AIFM3: variants seen among roughly 807,000 people sequenced by gnomAD.
AIFM3 encodes AIF family member 3.
In AIFM3, 71 loss-of-function variants were observed where a neutral mutation model predicts 82.7. That is an observed-to-expected ratio of 0.86 (90% confidence interval 0.71 to 1.05). AIFM3 has a LOEUF of 1.05. Among genes scored for constraint, AIFM3 ranks in the 50% least tolerant of loss-of-function variants. The pLI is 0.00. For missense variants in AIFM3, 748 were observed against 816.7 expected (o/e 0.92, Z 1.03); for synonymous variants, 337 against 329.1 (o/e 1.02, Z -0.26).
intron 2 of AIFM3, among the ~76,000 whole-genome samples, chr22:20,971,990 C>G (rs1444403080): frequency 6.6e-6 from 1 of 151,752 alleles, no homozygotes; most frequent in Non-Finnish European, 1.5e-5. Context: ...TGTGCCCCCT[C>G]TGTGCCATCC....
intron 14 of AIFM3, 139 bp from the exon 15 acceptor site, chr22:20,977,561 G>T: frequency 1.0e-6 from 1 of 991,940 alleles, no homozygotes; most frequent in Non-Finnish European, 1.5e-6. Flanking sequence ...GTGGGGACCA[G>T]GGTGCATGAA....
intron 2 of AIFM3, among the ~76,000 whole-genome samples, chr22:20,969,473 A>G (rs1183228846): frequency 1.3e-5 from 2 of 151,728 alleles, no homozygotes; most frequent in Non-Finnish European, 2.9e-5. Flanking sequence ...TCCTTCTCCC[A>G]TGCTGGAGTG....
rs751903383 is a variant in AIFM3, at chr22:20,976,460, C to T, written c.952C>T (p.Arg318Trp). The T allele has an allele frequency of 1.1e-4, 182 of 1,613,964 alleles. No individual in the cohort carries two copies. The highest frequency in any genetic ancestry group is 1.3e-4 in the Non-Finnish European group (159 of 1,180,028). The change falls in exon 11 of 21, where the codon CGG becomes TGG. Residue 318 changes from arginine (R) to tryptophan (W), a missense_variant. Around this residue, in one of 5 missense-constraint regions of AIFM3, gnomAD observed 393 missense variants for 481.1 expected, o/e 0.82. Coordinates refer to ENST00000440238, the MANE Select transcript of AIFM3 (RefSeq NM_001386814.1). The part of the protein sequence containing the change: ...GKEVENVFTI[R>W]TPEDANRVVR... ...AGAAGTGGAGAACGTGTTCACTATC[C>T]GGACGCCAGAGGATGCCAATCGCGT... is the stretch of plus-strand genomic sequence containing the variant.
intron 20 of AIFM3, 65 bp downstream of exon 20, chr22:20,980,832 A>G (rs371184659): frequency 1.2e-6 from 2 of 1,606,122 alleles, no homozygotes; most frequent in African/African-American, 1.4e-5. Flanking sequence ...CCTCCACCCA[A>G]TGGTCTTATC....
intron 10 of AIFM3, 36 bp from the exon 11 acceptor site, chr22:20,976,372 T>C: frequency 6.2e-7 from 1 of 1,613,686 alleles, no homozygotes; most frequent in South Asian, 1.1e-5. Context: ...GGGCTGGGGC[T>C]GCCAGGAGGC....
intron 9 of AIFM3, 64 bp from the exon 10 acceptor site, chr22:20,976,150 CG>C: frequency 6.5e-7 from 1 of 1,547,016 alleles, no homozygotes; most frequent in Non-Finnish European, 8.8e-7. Flanking sequence ...ACTGCAGGAC[CG>C]GGGAGTGGGC....
Position 20,967,957 on chromosome 22 carries a change from T to G in AIFM3, c.13T>G (p.Phe5Val). MGGC[F>V]SKPKPVELKI... ...CAGGCCACTCGCCATGGGCGGCTGC[T>G]TCTCCAAACCCAAACCAGGTACCTC... Residue 5 changes from phenylalanine (F) to valine (V), a missense_variant, in exon 2 of 21, where the codon TTC becomes GTC. Around this residue, in one of 5 missense-constraint regions of AIFM3, gnomAD observed 17 missense variants for 19.0 expected, o/e 0.89. Transcript: ENST00000440238. 6.2e-7 allele frequency: 1 copy of G among 1,614,106 alleles called. No individual in the cohort carries two copies.
At chr22:20,973,592 G>A in intron 3 of AIFM3, 72 bp downstream of exon 3, 1 of 1,497,568 alleles carries the variant, frequency 6.7e-7, no homozygotes, top group African/African-American at 1.4e-5. Context: ...CCATAGCCGG[G>A]GGTCGGGGTT....
intron 18 of AIFM3, 29 bp from the exon 19 acceptor site, chr22:20,979,991 C>G (rs746390850): frequency 6.2e-7 from 1 of 1,600,664 alleles, no homozygotes; most frequent in Non-Finnish European, 8.5e-7. Context: ...GCCTCGCAGT[C>G]CTCAGGCTTG....
intron 9 of AIFM3, 134 bp from the exon 10 acceptor site, chr22:20,976,081 A>G: frequency 1.0e-6 from 1 of 976,370 alleles, no homozygotes; most frequent in Admixed American, 2.2e-5. Flanking sequence ...AATGAAGCCC[A>G]GGTGGCAGGA....
At chr22:20,980,287 C>A in intron 19 of AIFM3, 163 bp downstream of exon 19, 1 of 652,506 alleles carries the variant, frequency 1.5e-6, no homozygotes. Flanking sequence ...GGGCAAGGAT[C>A]ATGGTTTGAG....
intron 17 of AIFM3, 109 bp from the exon 18 acceptor site, chr22:20,979,518 C>T (rs1663362277): frequency 3.4e-6 from 5 of 1,490,320 alleles, no homozygotes; most frequent in Non-Finnish European, 4.7e-6. Flanking sequence ...CTACGAACTA[C>T]CTAAAAGGAC....
At chr22:20,973,269 G>T in intron 2 of AIFM3, 38 bp from the exon 3 acceptor site, 1 of 1,549,244 alleles carries the variant, frequency 6.5e-7, no homozygotes, top group South Asian at 1.2e-5. Context: ...GAGGAAGTTG[G>T]CTGAGGTGGG....
Position 20,974,774 on chromosome 22 carries a change from G to A in AIFM3, c.678G>A (p.Thr226=), listed in dbSNP as rs373816290. The A allele has an allele frequency of 7.0e-5, 113 of 1,613,242 alleles. No individual in the cohort carries two copies. The highest frequency in any genetic ancestry group is 8.8e-5 in the Non-Finnish European group (104 of 1,179,926). The stretch of plus-strand genomic sequence containing the variant: ...TCTCCGACCGGATCGTCCTGTGCAC[G>A]CTAGACCGGCACCTTCCCTACGACC... ...EGFSDRIVLC[T]LDRHLPYDRP... Residue 226 remains threonine (T), a synonymous_variant, in exon 8 of 21, where the codon ACG becomes ACA. Coordinates refer to ENST00000440238, the MANE Select transcript of AIFM3 (RefSeq NM_001386814.1).
chr22:20,973,677 C>T, intron 3 of AIFM3, 81 bp from the exon 4 acceptor site: 1 of 1,437,006 alleles, frequency 7.0e-7, no homozygotes, highest in East Asian at 2.5e-5. Context: ...GCCTGCTCCC[C>T]AGAAGGCTGG....
intron 18 of AIFM3, 124 bp from the exon 19 acceptor site, chr22:20,979,896 A>G: frequency 8.9e-7 from 1 of 1,127,246 alleles, no homozygotes; most frequent in Non-Finnish European, 1.3e-6. Context: ...CTGGGTGCTC[A>G]GGCCATTCTT....
intron 2 of AIFM3, 140 bp downstream of exon 2, chr22:20,968,115 C>T (rs1490298189): frequency 6.8e-6 from 6 of 882,958 alleles, no homozygotes; most frequent in Non-Finnish European, 5.2e-6. Context: ...AATGTTAATA[C>T]GCTGCCGCCA....
intron 2 of AIFM3, among the ~76,000 whole-genome samples, chr22:20,973,100 G>T (rs1283129336): frequency 1.3e-5 from 2 of 152,056 alleles, no homozygotes; most frequent in Non-Finnish European, 2.9e-5. Flanking sequence ...AGACCCGGGA[G>T]CACCCCCACC....
In AIFM3 at chr22:20,976,884, G is replaced by A. The variant is rs373121171; in HGVS notation, c.1164G>A (p.Arg388=). The part of the protein sequence containing the change: ...RALMKMFENN[R]VKFYMQTEVS... Reference sequence around the variant, plus strand: ...CCTGACAGATGTTTGAGAACAACCGGGTGAAGTTCTACATGCAGACGGAGG... The same window carrying A: ...CCTGACAGATGTTTGAGAACAACCGAGTGAAGTTCTACATGCAGACGGAGG... The change falls in exon 13 of 21, where the codon CGG becomes CGA. Residue 388 remains arginine, a synonymous_variant. Coordinates refer to ENST00000440238, the MANE Select transcript of AIFM3 (RefSeq NM_001386814.1). The A allele has an allele frequency of 1.5e-4, 242 of 1,604,820 alleles. No homozygotes were observed. Among genetic ancestry groups the A allele is most frequent in the Non-Finnish European group, 2.0e-4 (230 of 1,174,048 alleles).
Sources: gnomAD v4.1 joint callset for allele counts (sites outside exome capture counted in the v4.1 genomes callset) on GRCh38, gnomAD v4.1.1 for gene constraint, gnomAD v4.1.1 regional missense constraint, MANE v1.5 for transcripts, NCBI Gene and HGNC (gene_info 2026-07-23, HGNC 2026-07-21) for gene names.